The following STX6 variants were observed in gnomAD, a reference collection of about 807,000 sequenced individuals.
STX6 encodes the protein syntaxin 6.
In STX6, 23 loss-of-function variants were observed where a neutral mutation model predicts 38.0. That is an observed-to-expected ratio of 0.60 (90% confidence interval 0.43 to 0.86). The LOEUF is 0.86. STX6 is among the 40% of genes least tolerant of loss of function. The pLI is 0.00. For missense variants in STX6, 274 were observed against 312.9 expected, an observed-to-expected ratio of 0.88 and a Z score of 0.94; for synonymous variants, 123 against 107.5, an observed-to-expected ratio of 1.14 and a Z score of -0.89.
chr1:181,012,664 CTTCCATTCT>C (rs1656434768), intron 1 of STX6, among the ~76,000 whole-genome samples: 1 of 144,122 alleles, frequency 6.9e-6, no homozygotes, highest in African/African-American at 2.6e-5. Flanking sequence ...CATTCAGATT[CTTCCATTCT>C]TTTTTTTTTT....
At chr1:180,997,729 A>T (rs1655953412) in intron 3 of STX6, among the ~76,000 whole-genome samples, 1 of 152,240 alleles carries the variant, frequency 6.6e-6, no homozygotes, top group South Asian at 2.1e-4. Context: ...TTACTACTGA[A>T]CAGCACTTCT....
intron 6 of STX6, among the ~76,000 whole-genome samples, chr1:180,985,786 A>C (rs1655561315): frequency 1.3e-5 from 2 of 152,272 alleles, no homozygotes; most frequent in Admixed American, 1.3e-4. Flanking sequence ...TATGCCAATT[A>C]GTACTAACAG....
intron 1 of STX6, among the ~76,000 whole-genome samples, chr1:181,010,538 G>A (rs1320907323): frequency 6.6e-6 from 1 of 152,106 alleles, no homozygotes; most frequent in Admixed American, 6.5e-5. Flanking sequence ...CTGACCTCAA[G>A]TGATCCAACC....
At chr1:180,990,513 TA>T (rs1289381061) in intron 4 of STX6, among the ~76,000 whole-genome samples, 1 of 151,608 alleles carries the variant, frequency 6.6e-6, no homozygotes, top group African/African-American at 2.4e-5. Context: ...AGTACTTTTT[TA>T]AAAAAAGTGT....
intron 1 of STX6, among the ~76,000 whole-genome samples, chr1:181,012,228 A>G (rs997655759): frequency 6.6e-6 from 1 of 152,188 alleles, no homozygotes; most frequent in Admixed American, 6.5e-5. Flanking sequence ...TGACTTTCCT[A>G]GGAATTATAG....
At chr1:180,991,749 C>G (rs572611880) in intron 4 of STX6, among the ~76,000 whole-genome samples, 1 of 152,110 alleles carries the variant, frequency 6.6e-6, no homozygotes, top group Non-Finnish European at 1.5e-5. Context: ...CAGCACAGAG[C>G]CTGGCACCTG....
intron 1 of STX6, among the ~76,000 whole-genome samples, chr1:181,010,388 A>C (rs574790108): frequency 6.6e-6 from 1 of 151,778 alleles, no homozygotes; most frequent in African/African-American, 2.4e-5. Context: ...TGCAACCTCC[A>C]CCTCCCGGGT....
At position 180,984,089 on chromosome 1, in the gene STX6, A is replaced by AAAAAAAC. The variant is rs141306282; in HGVS notation, c.691+587_691+588insGTTTTTT. ...AAAAAAAAAAAAAAAAAAAAAAAAA[A>AAAAAAAC]ACACAACGAAAGTGACTCTACTGGG... On this transcript the variant is annotated intron_variant, in intron 7 of 7. Coordinates refer to ENST00000258301, the MANE Select transcript of STX6 (RefSeq NM_005819.6). 3.3e-4 allele frequency among the ~76,000 whole-genome samples: 32 copies of AAAAAAAC among 97,016 alleles called. 1 individual carries two copies. Among genetic ancestry groups the AAAAAAAC allele is most frequent in the African/African-American group, 5.7e-4 (18 of 31,526 alleles). The allele number at this position is 97,016 out of a possible 152,430, so 63.6% of individuals were successfully genotyped here. A position where few individuals can be genotyped will look rare whatever the true frequency, so the allele number is the denominator to read the frequency against.
intron 1 of STX6, among the ~76,000 whole-genome samples, chr1:181,017,324 C>T (rs1158672929): frequency 2.0e-5 from 3 of 151,572 alleles, no homozygotes; most frequent in African/African-American, 4.8e-5. Flanking sequence ...ACCCGGGAGG[C>T]GGAGCTTGCA....
intron 6 of STX6, among the ~76,000 whole-genome samples, chr1:180,985,647 T>C (rs1269577210): frequency 6.6e-6 from 1 of 152,276 alleles, no homozygotes; most frequent in East Asian, 1.9e-4. Context: ...CACTATTTGC[T>C]GTCCAATGTG....
At chr1:181,003,319 G>C (rs1014907084) in intron 2 of STX6, among the ~76,000 whole-genome samples, 2 of 152,156 alleles carry the variant, frequency 1.3e-5, no homozygotes, top group Admixed American at 1.3e-4. Flanking sequence ...GGCTGGTATA[G>C]TGTTTATTAA....
At chr1:181,002,496 A>G in intron 3 of STX6, 110 bp downstream of exon 3, 1 of 685,616 alleles carries the variant, frequency 1.5e-6, no homozygotes, top group Non-Finnish European at 2.5e-6. Flanking sequence ...TTTAATTCAT[A>G]TTTAAAAAGT....
intron 3 of STX6, among the ~76,000 whole-genome samples, chr1:180,993,737 AC>A (rs1454559327): frequency 1.3e-5 from 2 of 152,292 alleles, no homozygotes; most frequent in Non-Finnish European, 2.9e-5. Context: ...TTTCACAAGG[AC>A]CCTGTGAAGC....
intron 1 of STX6, among the ~76,000 whole-genome samples, chr1:181,011,829 G>A (rs1292856539): frequency 2.0e-5 from 3 of 152,320 alleles, no homozygotes; most frequent in East Asian, 3.9e-4. Flanking sequence ...CAACTAGCCC[G>A]TGTGAGCACT....
chr1:180,972,942 A>C lies in STX6; in HGVS notation c.*3628T>G. ...TATTAGAAGCAAAGGCCCTGGGAGG[A>C]GTAAGGCCTGTCACTGGGGCAGGGG... On this transcript the variant is annotated 3_prime_UTR_variant, in exon 8 of 8. Transcript: ENST00000258301. The C allele has an allele frequency of 8.6e-6, 2 of 232,560 alleles. No individual in the cohort carries two copies. Among genetic ancestry groups the C allele is most frequent in the Admixed American group, 1.1e-4 (2 of 18,912 alleles). 14.4% of individuals were successfully genotyped at this position (232,560 alleles called of 1,614,324 possible).
intron 7 of STX6, among the ~76,000 whole-genome samples, chr1:180,979,962 T>C (rs1655354535): frequency 6.6e-6 from 1 of 152,186 alleles, no homozygotes; most frequent in African/African-American, 2.4e-5. Context: ...ATCTCAGCAC[T>C]TTGAGAAGCC....
chr1:180,987,106 T>C (rs1413562087), intron 6 of STX6, among the ~76,000 whole-genome samples: 1 of 152,186 alleles, frequency 6.6e-6, no homozygotes, highest in Non-Finnish European at 1.5e-5. Flanking sequence ...TGACAAGGCC[T>C]TCCCTGGTTT....
rs1655519351 is a variant in STX6 at position 180,984,658 on chromosome 1, C to T, written c.691+19G>A. ...CTAGAATTAAGTACAAATGCTTAAG[C>T]TTTAAACGCCATACATACCACTGGT... On this transcript the variant is annotated intron_variant, in intron 7 of 7. Transcript: ENST00000258301. 8.2e-7 allele frequency: 1 copy of T among 1,216,918 alleles called. No homozygotes were observed. The highest frequency in any genetic ancestry group is 1.5e-5 in the African/African-American group (1 of 67,292). 75.4% of individuals were successfully genotyped at this position (1,216,918 alleles called of 1,614,324 possible).
In STX6 at chr1:180,974,948, A is replaced by G. The variant is rs1403396733; in HGVS notation, c.*1622T>C. 1 of 152,670 alleles carries G rather than the reference A, an allele frequency of 6.6e-6. No homozygotes were observed. Among genetic ancestry groups the G allele is most frequent in the African/African-American group, 2.4e-5 (1 of 41,462 alleles). The allele number at this position is 152,670 out of a possible 1,614,324, so 9.5% of individuals were successfully genotyped here. A position where few individuals can be genotyped will look rare whatever the true frequency, so the allele number is the denominator to read the frequency against. On this transcript the variant is annotated 3_prime_UTR_variant, in exon 8 of 8. Coordinates refer to ENST00000258301, the MANE Select transcript of STX6 (RefSeq NM_005819.6). ...TTAACCTACCATGATCTCAAATGAG[A>G]TAAAATATCCTTCTTCAAAAATTGT...
Sources: gnomAD v4.1 joint callset for allele counts (sites outside exome capture counted in the v4.1 genomes callset) on GRCh38, gnomAD v4.1.1 for gene constraint, MANE v1.5 for transcripts, NCBI Gene and HGNC (gene_info 2026-07-23, HGNC 2026-07-21) for gene names.